Variants in RTN4IP1 observed in about 807,000 individuals in gnomAD.
RTN4IP1 encodes reticulon 4 interacting protein 1.
A neutral mutation model predicts 46.6 loss-of-function variants in RTN4IP1; 32 were observed. That is an observed-to-expected ratio of 0.69 (90% CI 0.52 to 0.92). The LOEUF (loss-of-function observed/expected upper bound fraction) is 0.92, where lower values mean the gene tolerates loss of function less well. RTN4IP1 is among the 40% of genes least tolerant of loss of function. The pLI is 0.00. For missense variants in RTN4IP1, 424 were observed against 485.8 expected, an observed-to-expected ratio of 0.87 and a Z score of 1.20; for synonymous variants, 167 against 161.8, an observed-to-expected ratio of 1.03 and a Z score of -0.24.
chr6:106,609,911 AAAAG>A (rs1343107391), intron 4 of RTN4IP1, among the ~76,000 whole-genome samples: 1 of 152,230 alleles, frequency 6.6e-6, no homozygotes, highest in Non-Finnish European at 1.5e-5. Context: ...CCCCAAGTGC[AAAAG>A]CAGCAAGGAG....
intron 1 of RTN4IP1, among the ~76,000 whole-genome samples, chr6:106,627,203 T>TA (rs1776671160): frequency 6.6e-6 from 1 of 150,698 alleles, no homozygotes; most frequent in South Asian, 2.1e-4. Context: ...AAAACTAAGA[T>TA]GTTTCAAGAA....
chr6:106,617,971 G>A (rs547574813), intron 4 of RTN4IP1, among the ~76,000 whole-genome samples: 2 of 152,184 alleles, frequency 1.3e-5, no homozygotes, highest in Non-Finnish European at 2.9e-5. Context: ...AAAAATCTAT[G>A]TGGTCAAAAC....
At chr6:106,583,583 A>T in intron 7 of RTN4IP1, 163 bp from the exon 8 acceptor site, 1 of 583,452 alleles carries the variant, frequency 1.7e-6, no homozygotes, top group South Asian at 2.0e-5. Context: ...CTGACAGAGA[A>T]TGGATGCTCC....
chr6:106,590,442 C>T (rs893213927), intron 6 of RTN4IP1, among the ~76,000 whole-genome samples: 32 of 151,372 alleles, frequency 2.1e-4, no homozygotes, highest in African/African-American at 7.5e-4. Context: ...TCGGGCTGGG[C>T]GCGGTGGTTC....
intron 6 of RTN4IP1, among the ~76,000 whole-genome samples, chr6:106,590,837 C>T (rs952891050): frequency 4.6e-5 from 7 of 151,910 alleles, no homozygotes; most frequent in African/African-American, 1.7e-4. Context: ...CCCTGACACA[C>T]AGACAAGACG....
At position 106,629,486 on chromosome 6, in the gene RTN4IP1, G is replaced by A; in HGVS notation, c.-465C>T. 2 of 730,432 alleles carry A rather than the reference G, an allele frequency of 2.7e-6. No individual in the cohort carries two copies. Among genetic ancestry groups the A allele is most frequent in the Non-Finnish European group, 4.4e-6 (2 of 458,324 alleles). The allele number at this position is 730,432 out of a possible 1,614,324, so 45.2% of individuals were successfully genotyped here. On this transcript the variant is annotated 5_prime_UTR_variant, in exon 1 of 9. Transcript: ENST00000369063. ...TGCCTGCCCGCTCTCCTTAGCCGCC[G>A]GGATGGCTTTGCGGCGCCAACCAAT...
At chr6:106,614,958 C>T in intron 4 of RTN4IP1, among the ~76,000 whole-genome samples, 1 of 138,858 alleles carries the variant, frequency 7.2e-6, no homozygotes, top group South Asian at 2.8e-4. Context: ...CCACAGCCCC[C>T]ACCCCCCCAC....
In RTN4IP1 at chr6:106,592,364, G is replaced by GA. The variant is rs991139830; in HGVS notation, c.670-65dup. 1,407 of 1,507,748 alleles carry GA rather than the reference G, an allele frequency of 9.3e-4. 2 individuals are homozygous for GA. Among genetic ancestry groups the GA allele is most frequent in the South Asian group, 1.8e-3 (143 of 80,726 alleles). The allele number at this position is 1,507,748 out of a possible 1,614,324, so 93.4% of individuals were successfully genotyped here. Reference sequence around the variant, plus strand: ...AGAGATTAGAAAAACTGACTGCATTGAAAAAAAAATCATTGGCACCATGTA... The same window carrying GA: ...AGAGATTAGAAAAACTGACTGCATTGAAAAAAAAAATCATTGGCACCATGTA... On this transcript the variant is annotated intron_variant, in intron 5 of 8. Transcript: ENST00000369063.
intron 8 of RTN4IP1, among the ~76,000 whole-genome samples, chr6:106,573,918 C>CA (rs1360696836): frequency 1.3e-5 from 2 of 152,174 alleles, no homozygotes; most frequent in Non-Finnish European, 2.9e-5. Context: ...ACCAAGATGA[C>CA]AGATGTGTGC....
intron 6 of RTN4IP1, among the ~76,000 whole-genome samples, chr6:106,591,390 A>G (rs1173003834): frequency 6.6e-6 from 1 of 152,134 alleles, no homozygotes; most frequent in Admixed American, 6.5e-5. Context: ...ACTGGCTGAG[A>G]AAGGCTGGGC....
intron 3 of RTN4IP1, 112 bp downstream of exon 3, chr6:106,621,313 T>C (rs1776480633): frequency 1.3e-6 from 1 of 779,100 alleles, no homozygotes. Flanking sequence ...ATTATCTTTT[T>C]ATAAACTGCC....
intron 8 of RTN4IP1, among the ~76,000 whole-genome samples, chr6:106,580,488 G>A (rs1459314550): frequency 6.6e-6 from 1 of 151,986 alleles, no homozygotes; most frequent in Non-Finnish European, 1.5e-5. Flanking sequence ...GGAGGCCAAG[G>A]CAGGTGGATC....
chr6:106,604,860 A>G (rs1285902109), intron 4 of RTN4IP1, among the ~76,000 whole-genome samples: 1 of 151,994 alleles, frequency 6.6e-6, no homozygotes, highest in Non-Finnish European at 1.5e-5. Context: ...ATGCACCTGC[A>G]CCTTATTACC....
chr6:106,623,201 T>TA (rs1438438545), intron 1 of RTN4IP1, among the ~76,000 whole-genome samples: 2 of 152,110 alleles, frequency 1.3e-5, no homozygotes, highest in Non-Finnish European at 2.9e-5. Flanking sequence ...CTGTGGTACA[T>TA]ACACACCATG....
intron 4 of RTN4IP1, among the ~76,000 whole-genome samples, chr6:106,614,355 A>C (rs1776297748): frequency 6.6e-6 from 1 of 152,196 alleles, no homozygotes; most frequent in African/African-American, 2.4e-5. Context: ...ACAGAGGAAG[A>C]GTTGGGGTGG....
intron 8 of RTN4IP1, among the ~76,000 whole-genome samples, chr6:106,581,443 T>C (rs1775368124): frequency 6.6e-6 from 1 of 152,218 alleles, no homozygotes; most frequent in Admixed American, 6.5e-5. Flanking sequence ...TTCCTTCTAA[T>C]TTCCCAGGAT....
At position 106,612,485 on chromosome 6, in the gene RTN4IP1, T is replaced by C. The variant is rs1776249906; in HGVS notation, c.620+6717A>G. Among the ~76,000 whole-genome samples, 4 of 146,074 alleles carry C rather than the reference T, an allele frequency of 2.7e-5. No individual in the cohort carries two copies. In the Admixed American group the frequency reaches 2.8e-4, roughly 10 times the overall value. On this transcript the variant is annotated intron_variant, in intron 4 of 8. Coordinates refer to ENST00000369063, the MANE Select transcript of RTN4IP1 (RefSeq NM_032730.5). ...GTCAGAGGATTTACCATGGAGCCAA[T>C]GAAGCCGAAGCCCTTCACTTACACA...
chr6:106,587,860 A>C lies in RTN4IP1; in HGVS notation c.809T>G (p.Phe270Cys). ...GCCAACATTATCAAGGATAAAATCA[A>C]ATCTGGAGAGGAAGAACCAAATCAA... ...VEEQLKSLKPFDFILDNVGGS... is the reference protein window; with the variant it reads ...VEEQLKSLKPCDFILDNVGGS... Residue 270 changes from phenylalanine to cysteine, a missense_variant and splice_region_variant, in exon 7 of 9, where the codon TTT becomes TGT. By Grantham distance (205) the Phe-to-Cys change is radical (BLOSUM62 -2). Coordinates refer to ENST00000369063, the MANE Select transcript of RTN4IP1 (RefSeq NM_032730.5). The C allele has an allele frequency of 6.2e-7, 1 of 1,610,660 alleles. No homozygotes were observed. The highest frequency in any genetic ancestry group is 8.5e-7 in the Non-Finnish European group (1 of 1,178,218).
chr6:106,615,628 C>G (rs1290968508), intron 4 of RTN4IP1, among the ~76,000 whole-genome samples: 5 of 151,656 alleles, frequency 3.3e-5, no homozygotes, highest in African/African-American at 7.3e-5. Context: ...GCACGCAACA[C>G]TACACCTAAC....
Sources: allele counts gnomAD v4.1 joint callset (sites outside exome capture counted in the v4.1 genomes callset), GRCh38; gene constraint gnomAD v4.1.1; transcripts MANE v1.5; gene names NCBI Gene and HGNC (gene_info 2026-07-23, HGNC 2026-07-21).